The following CEP112 variants were observed in gnomAD, a reference collection of about 807,000 sequenced individuals.
CEP112 encodes the protein centrosomal protein 112.
In CEP112, 127 loss-of-function variants were observed where a neutral mutation model predicts 153.0. That is an observed-to-expected ratio of 0.83 (90% CI 0.72 to 0.96). The LOEUF is 0.96. Ranked by LOEUF, CEP112 falls within the 40% of genes least tolerant of loss-of-function variation. CEP112 has a pLI of 0.00. For missense variants in CEP112, 1,089 were observed against 1,101.2 expected, an observed-to-expected ratio of 0.99 and a Z score of 0.16; for synonymous variants, 358 against 374.4, an observed-to-expected ratio of 0.96 and a Z score of 0.51.
intron 12 of CEP112, among the ~76,000 whole-genome samples, chr17:66,051,966 C>G (rs2066460904): frequency 6.6e-6 from 1 of 152,196 alleles, no homozygotes; most frequent in South Asian, 2.1e-4. Flanking sequence ...CCTGGCCTAT[C>G]TTAGATGTGT....
intron 21 of CEP112, among the ~76,000 whole-genome samples, chr17:65,849,261 T>C (rs1369804841): frequency 6.6e-6 from 1 of 152,222 alleles, no homozygotes; most frequent in African/African-American, 2.4e-5. Flanking sequence ...TTATGTCTCA[T>C]TCAAGTAACA....
At chr17:66,141,371 C>T (rs1469032405) in intron 4 of CEP112, among the ~76,000 whole-genome samples, 2 of 149,228 alleles carry the variant, frequency 1.3e-5, no homozygotes, top group Non-Finnish European at 2.9e-5. Flanking sequence ...ATTAAATAAA[C>T]ATTTTAGAAA....
At chr17:66,024,423 A>T (rs1568393539) in intron 16 of CEP112, among the ~76,000 whole-genome samples, 1 of 151,992 alleles carries the variant, frequency 6.6e-6, no homozygotes, top group Non-Finnish European at 1.5e-5. Flanking sequence ...AACCCTAACA[A>T]TTTCTCCCCC....
chr17:65,927,145 TTC>T (rs148902487), intron 19 of CEP112, among the ~76,000 whole-genome samples: 16 of 149,806 alleles, frequency 1.1e-4, no homozygotes, highest in Admixed American at 3.3e-4. Context: ...ACCTCCTCGC[TTC>T]TCTCTCTCTC....
At chr17:65,774,419 G>A (rs1367774284) in intron 21 of CEP112, among the ~76,000 whole-genome samples, 1 of 152,108 alleles carries the variant, frequency 6.6e-6, no homozygotes, top group East Asian at 1.9e-4. Flanking sequence ...AGAGGCTGTG[G>A]GGCCACACTG....
At chr17:65,638,250 G>A (rs7222221) in intron 25 of CEP112, among the ~76,000 whole-genome samples, 107,907 of 152,184 alleles carry the variant, frequency 0.71, 39,643 homozygotes, top group East Asian at 0.95. Flanking sequence ...ATACATTTCT[G>A]TACTGTTAAA....
intron 19 of CEP112, among the ~76,000 whole-genome samples, chr17:65,910,327 T>C (rs1402853329): frequency 6.6e-6 from 1 of 152,068 alleles, no homozygotes; most frequent in Non-Finnish European, 1.5e-5. Flanking sequence ...ATTATATCAG[T>C]CCATTTAACA....
At chr17:65,838,688 G>T (rs1424483625) in intron 21 of CEP112, among the ~76,000 whole-genome samples, 1 of 151,340 alleles carries the variant, frequency 6.6e-6, no homozygotes, top group Non-Finnish European at 1.5e-5. Context: ...ACCAAAAAAA[G>T]AAAAATCAGC....
chr17:66,188,824 T>C (rs1408541669), intron 1 of CEP112, among the ~76,000 whole-genome samples: 6 of 152,138 alleles, frequency 3.9e-5, no homozygotes, highest in Admixed American at 2.6e-4. Flanking sequence ...ATCATAATGT[T>C]GAAAAGCAAC....
At chr17:66,026,069 A>G (rs116427048) in intron 16 of CEP112, among the ~76,000 whole-genome samples, 2,365 of 152,186 alleles carry the variant, frequency 0.016, 51 homozygotes, top group African/African-American at 0.053. Flanking sequence ...TGGAAGCTAT[A>G]TAATGGGTAC....
intron 24 of CEP112, among the ~76,000 whole-genome samples, chr17:65,647,730 GC>G (rs2045522258): frequency 6.6e-6 from 1 of 150,694 alleles, no homozygotes; most frequent in Non-Finnish European, 1.5e-5. Flanking sequence ...TGATCCTCAT[GC>G]CTCGGCCTCC....
chr17:66,133,960 A>G (rs1364122109), intron 4 of CEP112, among the ~76,000 whole-genome samples: 2 of 152,200 alleles, frequency 1.3e-5, no homozygotes, highest in Non-Finnish European at 2.9e-5. Flanking sequence ...ATTCAGTAGT[A>G]CAAACATCCA....
chr17:66,160,478 C>G (rs1356670291), intron 4 of CEP112, among the ~76,000 whole-genome samples: 1 of 152,160 alleles, frequency 6.6e-6, no homozygotes, highest in Non-Finnish European at 1.5e-5. Flanking sequence ...CAGCATGGTA[C>G]TGGTACCAAA....
intron 4 of CEP112, among the ~76,000 whole-genome samples, chr17:66,160,136 GA>G (rs2071636529): frequency 6.6e-6 from 1 of 152,102 alleles, no homozygotes; most frequent in Admixed American, 6.5e-5. Flanking sequence ...AACTTATAAG[GA>G]ATCTGAGGGA....
At chr17:65,855,256 C>T (rs1205060308) in intron 20 of CEP112, among the ~76,000 whole-genome samples, 1 of 152,150 alleles carries the variant, frequency 6.6e-6, no homozygotes, top group Non-Finnish European at 1.5e-5. Flanking sequence ...AAAATCATAT[C>T]TGTTCCATTA....
At chr17:66,114,766 A>C (rs1315015929) in intron 6 of CEP112, among the ~76,000 whole-genome samples, 1 of 152,246 alleles carries the variant, frequency 6.6e-6, no homozygotes, top group African/African-American at 2.4e-5. Context: ...CAAAGCTTTC[A>C]GTAAACACTT....
intron 6 of CEP112, among the ~76,000 whole-genome samples, chr17:66,119,269 G>A (rs2069458076): frequency 6.6e-6 from 1 of 152,120 alleles, no homozygotes; most frequent in Non-Finnish European, 1.5e-5. Flanking sequence ...TGGGTTAATA[G>A]GTGCAGCAAA....
intron 1 of CEP112, among the ~76,000 whole-genome samples, chr17:66,186,656 C>A (rs993972194): frequency 1.3e-5 from 2 of 152,168 alleles, no homozygotes; most frequent in African/African-American, 4.8e-5. Flanking sequence ...GGCAAGGCTG[C>A]AATCCCTTGA....
intron 4 of CEP112, among the ~76,000 whole-genome samples, chr17:66,155,747 G>C (rs575203490): frequency 2.0e-5 from 3 of 152,168 alleles, no homozygotes; most frequent in Non-Finnish European, 4.4e-5. Context: ...TTGAGTAGCC[G>C]GGTTTCCCCT....
Sources: gnomAD v4.1 joint callset for allele counts (sites outside exome capture counted in the v4.1 genomes callset) on GRCh38, gnomAD v4.1.1 for gene constraint, MANE v1.5 for transcripts, NCBI Gene and HGNC (gene_info 2026-07-23, HGNC 2026-07-21) for gene names.